Variants in CEMIP observed in about 807,000 individuals in gnomAD.
The protein encoded by CEMIP is cell migration inducing hyaluronidase 1.
CEMIP carries 105 observed loss-of-function variants against 156.9 expected under a neutral mutation model. The ratio of observed to expected loss-of-function variants is 0.67; its 90% CI spans 0.57 to 0.79. The LOEUF (loss-of-function observed/expected upper bound fraction) is 0.79, where lower values mean the gene tolerates loss of function less well. Among genes scored for constraint, CEMIP ranks in the 30% least tolerant of loss-of-function variants. The probability of loss-of-function intolerance (pLI) is 0.00; values close to 1 mark genes in which losing one functional copy is unlikely to be tolerated. For synonymous variants in CEMIP, 676 were observed against 668.4 expected (o/e 1.01, Z -0.17); for missense variants, 1,457 against 1,769.4 (o/e 0.82, Z 3.17).
intron 17 of CEMIP, among the ~76,000 whole-genome samples, chr15:80,922,665 G>A (rs543061593): frequency 6.6e-6 from 1 of 152,332 alleles, no homozygotes; most frequent in East Asian, 1.9e-4. Flanking sequence ...GGGACACAAA[G>A]TCCTCAGTCA....
chr15:80,796,134 T>C (rs924555389), intron 1 of CEMIP, among the ~76,000 whole-genome samples: 2 of 152,176 alleles, frequency 1.3e-5, no homozygotes, highest in African/African-American at 4.8e-5. Context: ...CTTTTTTGTT[T>C]ATTTATTTAG....
chr15:80,806,632 G>T (rs1484224), intron 1 of CEMIP, among the ~76,000 whole-genome samples: 7,043 of 152,170 alleles, frequency 0.046, 576 homozygotes, highest in African/African-American at 0.16. Flanking sequence ...AAGTATAATT[G>T]CTCCCCTGGA....
intron 7 of CEMIP, among the ~76,000 whole-genome samples, chr15:80,885,232 T>C (rs548011437): frequency 2.0e-5 from 3 of 152,306 alleles, no homozygotes; most frequent in African/African-American, 2.4e-5. Flanking sequence ...CCCTTCAGCT[T>C]CCCACATCTG....
Position 80,918,809 on chromosome 15 carries a change from T to C in CEMIP, c.1798-1285T>C, listed in dbSNP as rs1307132591. 3.3e-5 allele frequency among the ~76,000 whole-genome samples: 5 copies of C among 152,222 alleles called. No individual in the cohort carries two copies. The East Asian group carries it at 7.7e-4, about 24-fold the overall frequency. On this transcript the variant is annotated intron_variant, in intron 14 of 29. Transcript: ENST00000394685. ...AAGCAGGGTACCTGTTTGCCAGTTA[T>C]GCTTGGGAACAGAGTCTGGGATTGG...
chr15:80,781,045 C>T (rs1895779240), intron 1 of CEMIP, among the ~76,000 whole-genome samples: 1 of 152,180 alleles, frequency 6.6e-6, no homozygotes, highest in Admixed American at 6.5e-5. Context: ...TTTTCTATGA[C>T]ACCACGGAGA....
At position 80,937,868 on chromosome 15, in the gene CEMIP, G is replaced by A. The variant is rs772930693; in HGVS notation, c.3296G>A (p.Arg1099His). ...TFSILSDVHNRLLKQTSKTGV... is the reference protein window; with the variant it reads ...TFSILSDVHNHLLKQTSKTGV... ...TCCATCCTCTCGGATGTTCACAATCGCCTGCTGAAGCAAACGTCCAAGACG... is the reference window on the plus strand; with the variant it reads ...TCCATCCTCTCGGATGTTCACAATCACCTGCTGAAGCAAACGTCCAAGACG... Residue 1099 changes from arginine (R) to histidine (H), a missense_variant, in exon 25 of 30, where the codon CGC becomes CAC. This residue lies in a region of CEMIP where 798 missense variants were observed against 980.1 expected (regional missense o/e 0.81). Coordinates refer to ENST00000394685, the MANE Select transcript of CEMIP (RefSeq NM_001293298.2). 1.7e-5 allele frequency: 28 copies of A among 1,614,058 alleles called. No individual in the cohort carries two copies. Among genetic ancestry groups the A allele is most frequent in the East Asian group, 4.5e-5 (2 of 44,888 alleles).
At chr15:80,884,039 G>A in intron 6 of CEMIP, 136 bp from the exon 7 acceptor site, 1 of 864,940 alleles carries the variant, frequency 1.2e-6, no homozygotes, top group Non-Finnish European at 1.9e-6. Flanking sequence ...TTAAAGAAAA[G>A]GCTTCCTTCT....
intron 28 of CEMIP, among the ~76,000 whole-genome samples, chr15:80,945,558 C>G (rs903483135): frequency 2.6e-5 from 4 of 152,220 alleles, no homozygotes; most frequent in African/African-American, 9.6e-5. Flanking sequence ...CCCTCTCCAG[C>G]CTTCCTCAAG....
chr15:80,790,935 C>T (rs998216181), intron 1 of CEMIP, among the ~76,000 whole-genome samples: 1 of 152,050 alleles, frequency 6.6e-6, no homozygotes, highest in African/African-American at 2.4e-5. Context: ...GAGGCATAAA[C>T]AAAGCAATAT....
At chr15:80,814,814 C>T (rs1051440158) in intron 1 of CEMIP, among the ~76,000 whole-genome samples, 2 of 152,204 alleles carry the variant, frequency 1.3e-5, no homozygotes, top group African/African-American at 2.4e-5. Flanking sequence ...ATTATTTCCT[C>T]CTCCCCATGC....
At chr15:80,909,809 G>C in intron 14 of CEMIP, 1 of 354,242 alleles carries the variant, frequency 2.8e-6, no homozygotes, top group Non-Finnish European at 5.6e-6. Flanking sequence ...GGCTTGTCTT[G>C]ATTTCCACAG....
At chr15:80,838,966 T>C (rs1897326073) in intron 1 of CEMIP, among the ~76,000 whole-genome samples, 1 of 151,962 alleles carries the variant, frequency 6.6e-6, no homozygotes, top group Non-Finnish European at 1.5e-5. Flanking sequence ...GGTGCTGAGG[T>C]ATTAGGGGGT....
At position 80,873,661 on chromosome 15, in the gene CEMIP, C is replaced by T. The variant is rs907033836; in HGVS notation, c.-52C>T. On this transcript the variant is annotated 5_prime_UTR_variant, in exon 2 of 30. Coordinates refer to ENST00000394685, the MANE Select transcript of CEMIP (RefSeq NM_001293298.2). ...GGTAGGATTTTCATGCCCCGATCTGCCTGGCCTTGAGTTGTGGCAGCTGGG... is the reference window on the plus strand; with the variant it reads ...GGTAGGATTTTCATGCCCCGATCTGTCTGGCCTTGAGTTGTGGCAGCTGGG... The T allele has an allele frequency of 1.7e-6, 1 of 572,238 alleles. No individual in the cohort carries two copies. Among genetic ancestry groups the T allele is most frequent in the East Asian group, 3.0e-5 (1 of 33,312 alleles). The allele number at this position is 572,238 out of a possible 1,614,324, so 35.4% of individuals were successfully genotyped here.
rs1444786597 is a variant in CEMIP at position 80,949,431 on chromosome 15, G to C, written c.*507G>C. On this transcript the variant is annotated 3_prime_UTR_variant, in exon 30 of 30. Coordinates refer to ENST00000394685, the MANE Select transcript of CEMIP (RefSeq NM_001293298.2). ...AAGAGCCAACCTCACAGGATTAGGA[G>C]CTGGGGTAGAACTGGCTATCCTTGG... is the stretch of plus-strand genomic sequence containing the variant. 4.7e-6 allele frequency: 1 copy of C among 214,380 alleles called. No individual in the cohort carries two copies. The highest frequency in any genetic ancestry group is 9.6e-6 in the Non-Finnish European group (1 of 104,656). The allele number at this position is 214,380 out of a possible 1,614,324, so 13.3% of individuals were successfully genotyped here.
intron 1 of CEMIP, among the ~76,000 whole-genome samples, chr15:80,840,150 C>T (rs1371299962): frequency 6.6e-6 from 1 of 152,154 alleles, no homozygotes; most frequent in Non-Finnish European, 1.5e-5. Context: ...CCTAGGGGCT[C>T]GGAGGGTGGC....
chr15:80,805,990 C>T (rs1382631426), intron 1 of CEMIP, among the ~76,000 whole-genome samples: 1 of 152,178 alleles, frequency 6.6e-6, no homozygotes, highest in East Asian at 1.9e-4. Context: ...CAATACCTTA[C>T]ACTAAAAGAA....
intron 1 of CEMIP, among the ~76,000 whole-genome samples, chr15:80,849,265 G>A (rs1897649412): frequency 6.6e-6 from 1 of 152,020 alleles, no homozygotes; most frequent in Non-Finnish European, 1.5e-5. Flanking sequence ...AGGTGAATGA[G>A]CCACTGTGCC....
At chr15:80,847,978 C>T (rs1473958319) in intron 1 of CEMIP, among the ~76,000 whole-genome samples, 2 of 152,236 alleles carry the variant, frequency 1.3e-5, no homozygotes, top group Non-Finnish European at 2.9e-5. Context: ...TGTGCATCTC[C>T]TCCTCAAATG....
chr15:80,906,758 G>C lies in CEMIP; in HGVS notation c.1507G>C (p.Glu503Gln). 6.2e-7 allele frequency: 1 copy of C among 1,614,206 alleles called. No individual in the cohort carries two copies. Among genetic ancestry groups the C allele is most frequent in the Non-Finnish European group, 8.5e-7 (1 of 1,180,028 alleles). ...LLSRNIIVMGEMEDKCYPYRN... is the reference protein window; with the variant it reads ...LLSRNIIVMGQMEDKCYPYRN... ...GAGCCGGAACATCATAGTGATGGGGGAGATGGAGGACAAATGCTACCCCTA... is the reference window on the plus strand; with the variant it reads ...GAGCCGGAACATCATAGTGATGGGGCAGATGGAGGACAAATGCTACCCCTA... Residue 503 changes from glutamate (E) to glutamine (Q), a missense_variant, in exon 13 of 30, where the codon GAG (glutamate) becomes CAG (glutamine). Glu to Gln is a conservative substitution (Grantham distance 29). Transcript: ENST00000394685. The surrounding 1 kb of genome is among the most constrained non-coding windows in gnomAD (Gnocchi z 4.3).
Sources: allele counts gnomAD v4.1 joint callset (sites outside exome capture counted in the v4.1 genomes callset), GRCh38; gene constraint gnomAD v4.1.1; regional missense constraint gnomAD v4.1.1; non-coding constraint Gnocchi (gnomAD v3.1); transcripts MANE v1.5; gene names NCBI Gene and HGNC (gene_info 2026-07-23, HGNC 2026-07-21).